The following NEXMIF variants were observed in gnomAD, a reference collection of about 807,000 sequenced individuals.
NEXMIF encodes neurite extension and migration factor.
In NEXMIF, 8 loss-of-function variants were observed where a neutral mutation model predicts 62.1. The ratio of observed to expected loss-of-function variants is 0.13; its 90% confidence interval spans 0.08 to 0.23. The LOEUF is 0.23. Ranked by LOEUF, NEXMIF falls within the 10% of genes least tolerant of loss-of-function variation. The probability of loss-of-function intolerance (pLI) is 1.00; values close to 1 mark genes in which losing one functional copy is unlikely to be tolerated. For missense variants in NEXMIF, 976 were observed against 1,113.3 expected (o/e 0.88, Z 1.75); for synonymous variants, 404 against 416.6 (o/e 0.97, Z 0.37).
At chrX:74,875,518 T>C (rs901713961) in intron 1 of NEXMIF, among the ~76,000 whole-genome samples, 2 of 112,149 alleles carry the variant, frequency 1.8e-5, no homozygotes, top group African/African-American at 3.2e-5. Flanking sequence ...TAAAATGAGT[T>C]AGGGAGGAGT....
intron 1 of NEXMIF, among the ~76,000 whole-genome samples, chrX:74,755,990 C>T (rs964188752): frequency 9.8e-5 from 11 of 112,127 alleles, no homozygotes; most frequent in African/African-American, 3.6e-4. Flanking sequence ...ATTCTCCTGC[C>T]TCAGCCTCCT....
intron 1 of NEXMIF, among the ~76,000 whole-genome samples, chrX:74,835,660 G>A (rs1352969380): frequency 9.0e-6 from 1 of 111,206 alleles, no homozygotes; most frequent in Admixed American, 9.5e-5. Flanking sequence ...GTGGGGGTAT[G>A]GTGATGGAAG....
intron 1 of NEXMIF, among the ~76,000 whole-genome samples, chrX:74,791,926 T>C (rs1425146640): frequency 1.8e-4 from 20 of 111,544 alleles, no homozygotes; most frequent in African/African-American, 6.2e-4. Context: ...AAAAACCAGC[T>C]CCTGGATTCA....
chrX:74,790,675 T>C (rs2080278458), intron 1 of NEXMIF, among the ~76,000 whole-genome samples: 1 of 113,673 alleles, frequency 8.8e-6, no homozygotes, highest in Admixed American at 9.2e-5. Flanking sequence ...GTAGTTCTCC[T>C]TGAAGAGGTC....
At chrX:74,800,864 TG>T (rs1464681252) in intron 1 of NEXMIF, among the ~76,000 whole-genome samples, 1 of 110,948 alleles carries the variant, frequency 9.0e-6, no homozygotes, top group Non-Finnish European at 1.9e-5. Flanking sequence ...CTCTTTGTGT[TG>T]AATATTCTAT....
intron 1 of NEXMIF, among the ~76,000 whole-genome samples, chrX:74,811,540 T>G (rs1356866090): frequency 8.9e-6 from 1 of 112,642 alleles, no homozygotes; most frequent in Admixed American, 9.4e-5. Flanking sequence ...TTTATCAGCT[T>G]AAAATATTCA....
At chrX:74,914,553 C>T (rs1488358390) in intron 1 of NEXMIF, among the ~76,000 whole-genome samples, 5 of 111,219 alleles carry the variant, frequency 4.5e-5, no homozygotes, top group African/African-American at 1.6e-4. Context: ...TGGTGGCATG[C>T]GCCTGTAGTC....
At chrX:74,799,052 A>AG (rs1490387214) in intron 1 of NEXMIF, among the ~76,000 whole-genome samples, 1 of 110,559 alleles carries the variant, frequency 9.0e-6, no homozygotes, top group Non-Finnish European at 1.9e-5. Flanking sequence ...TTTTGTAGGG[A>AG]GGGGGTCTTG....
chrX:74,775,926 G>A (rs753793897), intron 1 of NEXMIF, among the ~76,000 whole-genome samples: 28 of 112,126 alleles, frequency 2.5e-4, no homozygotes, highest in Non-Finnish European at 4.3e-4. Context: ...ATTGCAGCAA[G>A]TGATTTATTT....
chrX:74,878,305 G>A (rs1053549193), intron 1 of NEXMIF, among the ~76,000 whole-genome samples: 41 of 111,876 alleles, frequency 3.7e-4, no homozygotes, highest in Non-Finnish European at 6.4e-4. Context: ...CTGCTCAGGG[G>A]TCAGGGGTCA....
At chrX:74,739,589 T>C (rs1489450795) in intron 3 of NEXMIF, 91 bp from the exon 4 acceptor site, 10 of 511,339 alleles carry the variant, frequency 2.0e-5, no homozygotes, top group Non-Finnish European at 2.9e-5. Context: ...GTTAACATCA[T>C]ACTAGATGCC....
At chrX:74,909,335 C>A (rs983806416) in intron 1 of NEXMIF, among the ~76,000 whole-genome samples, 1 of 111,757 alleles carries the variant, frequency 8.9e-6, no homozygotes, top group Non-Finnish European at 1.9e-5. Context: ...GGAACTGGAG[C>A]AAAGGTGACC....
chrX:74,886,880 C>T (rs1451827286), intron 1 of NEXMIF, among the ~76,000 whole-genome samples: 5 of 105,192 alleles, frequency 4.8e-5, no homozygotes, highest in Non-Finnish European at 7.6e-5. Flanking sequence ...GGAGGCATCA[C>T]GCTACCTGAC....
rs797045647 is a variant in NEXMIF, at chrX:74,740,585, G to A, written c.3972C>T (p.Ala1324=). 8.3e-7 allele frequency: 1 copy of A among 1,211,977 alleles called. No individual in the cohort carries two copies. The highest frequency in any genetic ancestry group is 1.1e-6 in the Non-Finnish European group (1 of 895,532). Reference sequence around the variant, plus strand: ...ATCTCTGCACATCTGCCATACCAGAGGCAATGTTGGACAAGATATAGGAAG... The same window carrying A: ...ATCTCTGCACATCTGCCATACCAGAAGCAATGTTGGACAAGATATAGGAAG... The part of the protein sequence containing the change: ...QEPSYILSNI[A]SGMADVQRFM... Residue 1324 remains alanine, a synonymous_variant, in exon 3 of 4, where the codon GCC becomes GCT. Transcript: ENST00000055682.
At chrX:74,899,956 T>C (rs1248546448) in intron 1 of NEXMIF, among the ~76,000 whole-genome samples, 1 of 111,667 alleles carries the variant, frequency 9.0e-6, no homozygotes, top group East Asian at 2.8e-4. Context: ...AGTATTAATA[T>C]CTAGAATATA....
At chrX:74,906,083 A>G (rs2080768118) in intron 1 of NEXMIF, among the ~76,000 whole-genome samples, 1 of 109,871 alleles carries the variant, frequency 9.1e-6, no homozygotes, top group Admixed American at 9.7e-5. Flanking sequence ...CAGCCTGGGC[A>G]AGATGACGAG....
rs775509800 is a variant in NEXMIF at position 74,741,455 on chromosome X, C to T, written c.3102G>A (p.Leu1034=). The part of the protein sequence containing the change: ...DDFLAHCSPK[L]VIQQSIDEIA... The stretch of plus-strand genomic sequence containing the variant: ...TCTCATCAATGCTTTGCTGGATCAC[C>T]AGCTTAGGGCTGCAATGGGCCAGGA... The change falls in exon 3 of 4, where the codon CTG becomes CTA. Residue 1034 remains leucine, a synonymous_variant. Coordinates refer to ENST00000055682, the MANE Select transcript of NEXMIF (RefSeq NM_001008537.3). 15 of 1,209,603 alleles carry T rather than the reference C, an allele frequency of 1.2e-5. No homozygotes were observed. In the Admixed American group the frequency reaches 2.8e-4, roughly 23 times the overall value.
chrX:74,752,760 A>C (rs772813085), intron 1 of NEXMIF, among the ~76,000 whole-genome samples: 1 of 111,787 alleles, frequency 8.9e-6, no homozygotes, highest in Non-Finnish European at 1.9e-5. Context: ...AACTTCACTG[A>C]CACATCTGAG....
chrX:74,817,421 T>C (rs950645254), intron 1 of NEXMIF, among the ~76,000 whole-genome samples: 9 of 111,511 alleles, frequency 8.1e-5, no homozygotes, highest in African/African-American at 2.6e-4. Context: ...AAACCATCAT[T>C]TATGAATAGT....
Sources: gnomAD v4.1 joint callset for allele counts (sites outside exome capture counted in the v4.1 genomes callset) on GRCh38, gnomAD v4.1.1 for gene constraint, MANE v1.5 for transcripts, NCBI Gene and HGNC (gene_info 2026-07-23, HGNC 2026-07-21) for gene names.